Variants in IP6K2 observed in about 807,000 individuals in gnomAD.
The protein encoded by IP6K2 is ATP:1D-myo-inositol-hexakisphosphate phosphotransferase.
IP6K2 carries 9 observed loss-of-function variants against 43.3 expected under a neutral mutation model. The ratio of observed to expected loss-of-function variants is 0.21; its 90% CI spans 0.13 to 0.36. IP6K2 has a LOEUF of 0.36. Among genes scored for constraint, IP6K2 ranks in the 10% least tolerant of loss-of-function variants. The pLI, the probability that IP6K2 is intolerant of heterozygous loss-of-function variation, is 1.00. For missense variants in IP6K2, 332 were observed against 538.4 expected, an observed-to-expected ratio of 0.62 and a Z score of 3.79; for synonymous variants, 209 against 202.4, an observed-to-expected ratio of 1.03 and a Z score of -0.28.
At chr3:48,694,632 C>CTGA in intron 2 of IP6K2, 1 of 1,516,984 alleles carries the variant, frequency 6.6e-7, no homozygotes, top group Non-Finnish European at 8.8e-7. Context: ...AGGGCTTGGG[C>CTGA]TAATCAGCAC....
intron 1 of IP6K2, among the ~76,000 whole-genome samples, chr3:48,696,321 A>T (rs1238494593): frequency 6.6e-6 from 1 of 152,128 alleles, no homozygotes; most frequent in Non-Finnish European, 1.5e-5. Flanking sequence ...AGCCCCATTA[A>T]CCTTGTTAGC....
rs2077945533 is a variant in IP6K2, at chr3:48,693,089, A to G, written c.293T>C (p.Ile98Thr). Reference protein sequence around the residue: ...PLKGDHGIVDIVDNSDCEPKS... With the variant: ...PLKGDHGIVDTVDNSDCEPKS... ...TGGTTCACAGTCTGAATTATCTACA[A>G]TGTCCACAATTCCATGGTCCCCTTT... Residue 98 changes from isoleucine (I) to threonine (T), a missense_variant, in exon 3 of 6, where the codon ATT becomes ACT. Ile to Thr is a moderately conservative substitution (Grantham distance 89). Coordinates refer to ENST00000328631, the MANE Select transcript of IP6K2 (RefSeq NM_016291.4). The G allele has an allele frequency of 6.2e-7, 1 of 1,614,098 alleles. No individual in the cohort carries two copies. Among genetic ancestry groups the G allele is most frequent in the Admixed American group, 1.7e-5 (1 of 60,028 alleles).
At chr3:48,701,829 C>T (rs949949442) in intron 1 of IP6K2, among the ~76,000 whole-genome samples, 1 of 151,908 alleles carries the variant, frequency 6.6e-6, no homozygotes, top group Non-Finnish European at 1.5e-5. Context: ...GCACGGGAGG[C>T]GGAGGTTGCA....
At chr3:48,716,704 AG>A (rs1262051019) in intron 1 of IP6K2, among the ~76,000 whole-genome samples, 2 of 152,152 alleles carry the variant, frequency 1.3e-5, no homozygotes, top group Non-Finnish European at 2.9e-5. Context: ...ACAGTACCTG[AG>A]GCGCTGAGCT....
chr3:48,690,995 C>G (rs1342956770), intron 4 of IP6K2, among the ~76,000 whole-genome samples: 2 of 152,072 alleles, frequency 1.3e-5, no homozygotes, highest in East Asian at 3.9e-4. Context: ...CAGGGAGCAG[C>G]TCCTTGCCCT....
Position 48,695,094 on chromosome 3 carries a change from G to T in IP6K2, c.198C>A (p.Tyr66Ter). 6.2e-7 allele frequency: 1 copy of T among 1,613,452 alleles called. No individual in the cohort carries two copies. Among genetic ancestry groups the T allele is most frequent in the Non-Finnish European group, 8.5e-7 (1 of 1,179,344 alleles). ...CCTCCAGCAGCTGGGACTTACCTTT[G>T]TACTGGGGAGTGAATTTGCGCATCT... ...PAEMRKFTPQYKGVVSVRFEE... is the reference protein window; with the variant it reads ...PAEMRKFTPQ The change falls in exon 2 of 6, where the codon TAC becomes TAA. Residue 66 changes from tyrosine (Y) to a stop codon, truncating the protein, a stop_gained. Coordinates refer to ENST00000328631, the MANE Select transcript of IP6K2 (RefSeq NM_016291.4). LOFTEE classifies it high-confidence loss of function. This position sits in a 1 kb window ranked among gnomAD's most constrained non-coding sequence, Gnocchi z 4.6.
At chr3:48,705,675 T>TCACAAGC (rs2079644302) in intron 1 of IP6K2, among the ~76,000 whole-genome samples, 1 of 149,966 alleles carries the variant, frequency 6.7e-6, no homozygotes, top group Admixed American at 6.7e-5. Flanking sequence ...AAAAGGCTAT[T>TCACAAGC]CACAAGCCTT....
chr3:48,688,101 T>C lies in IP6K2; in HGVS notation c.*172A>G, dbSNP rs752058968. On this transcript the variant is annotated 3_prime_UTR_variant, in exon 6 of 6. Coordinates refer to ENST00000328631, the MANE Select transcript of IP6K2 (RefSeq NM_016291.4). The surrounding 1 kb of genome is among the most constrained non-coding windows in gnomAD (Gnocchi z 5.1). ...ATGTTGAAGAAATAGTTAAAATAAA[T>C]AAAGACTCCAAGCACAGCTGGGACT... 7 of 665,664 alleles carry C rather than the reference T, an allele frequency of 1.1e-5. No homozygotes were observed. Among genetic ancestry groups the C allele is most frequent in the Non-Finnish European group, 1.9e-5 (7 of 377,412 alleles). The allele number at this position is 665,664 out of a possible 1,614,324, so 41.2% of individuals were successfully genotyped here. A position where few individuals can be genotyped will look rare whatever the true frequency, so the allele number is the denominator to read the frequency against.
At chr3:48,690,804 GAA>G (rs1185091252) in intron 4 of IP6K2, among the ~76,000 whole-genome samples, 9 of 140,540 alleles carry the variant, frequency 6.4e-5, no homozygotes, top group African/African-American at 2.2e-4. Flanking sequence ...AAAAAAAAAA[GAA>G]AAAAAAGAGA....
chr3:48,694,244 GA>G (rs901489097), intron 2 of IP6K2: 1 of 1,551,260 alleles, frequency 6.4e-7, no homozygotes, highest in East Asian at 2.4e-5. Context: ...CTTTGTCCTG[GA>G]AAAAAACAAC....
intron 1 of IP6K2, among the ~76,000 whole-genome samples, chr3:48,704,910 T>C (rs1359876118): frequency 1.3e-5 from 2 of 151,302 alleles, no homozygotes; most frequent in African/African-American, 4.9e-5. Context: ...GTAGCTGAGA[T>C]TACAAGCACG....
chr3:48,692,891 T>C (rs2077924688), intron 3 of IP6K2, 63 bp downstream of exon 3: 3 of 1,270,808 alleles, frequency 2.4e-6, no homozygotes, highest in South Asian at 2.5e-5. Flanking sequence ...AACTGGGCTG[T>C]AACCAAAACC....
At chr3:48,700,791 A>G (rs1485588802) in intron 1 of IP6K2, among the ~76,000 whole-genome samples, 1 of 152,156 alleles carries the variant, frequency 6.6e-6, no homozygotes, top group Non-Finnish European at 1.5e-5. Context: ...CTGGCTTAAG[A>G]AAAGCCCCAG....
chr3:48,697,829 C>G (rs1431846494), intron 1 of IP6K2, among the ~76,000 whole-genome samples: 3 of 152,068 alleles, frequency 2.0e-5, no homozygotes, highest in Non-Finnish European at 4.4e-5. Context: ...CAGGTGCATG[C>G]CACCACGCCT....
At position 48,691,519 on chromosome 3, in the gene IP6K2, TATC is replaced by T. The variant is rs2077776483; in HGVS notation, c.429-40_429-38del. On this transcript the variant is annotated intron_variant, in intron 3 of 5. Coordinates refer to ENST00000328631, the MANE Select transcript of IP6K2 (RefSeq NM_016291.4). Reference sequence around the variant, plus strand: ...TAAGGACCAATAAATCAGTATGTCTTATCAGAATTCAGAAGGCCGGGCATGGTG... The same window carrying T: ...TAAGGACCAATAAATCAGTATGTCTTAGAATTCAGAAGGCCGGGCATGGTG... The T allele has an allele frequency of 2.6e-6, 4 of 1,524,724 alleles. No individual in the cohort carries two copies. The African/African-American group carries it at 4.1e-5, about 16-fold the overall frequency. The allele number at this position is 1,524,724 out of a possible 1,614,324, so 94.4% of individuals were successfully genotyped here. A position where few individuals can be genotyped will look rare whatever the true frequency, so the allele number is the denominator to read the frequency against.
At chr3:48,694,971 G>A (rs767991254) in intron 2 of IP6K2, 119 bp downstream of exon 2, 4 of 1,596,054 alleles carry the variant, frequency 2.5e-6, no homozygotes, top group South Asian at 2.2e-5. Context: ...AGGAGAGGGA[G>A]GGAAAGCACA....
At chr3:48,693,919 G>A in intron 2 of IP6K2, 1 of 1,309,948 alleles carries the variant, frequency 7.6e-7, no homozygotes, top group Non-Finnish European at 9.7e-7. Context: ...CCTGCCATGA[G>A]TAATTAAGAC....
rs144394910 is a variant in IP6K2, at chr3:48,717,150, G to A, written c.-131+7C>T. The A allele has an allele frequency of 0.012, 1,831 of 154,950 alleles. 19 individuals carry two copies. The highest frequency in any genetic ancestry group is 0.02 in the Non-Finnish European group (1,373 of 68,220). The allele number at this position is 154,950 out of a possible 1,614,324, so 9.6% of individuals were successfully genotyped here. A position where few individuals can be genotyped will look rare whatever the true frequency, so the allele number is the denominator to read the frequency against. ...CGGGCACTAGGGCCATAGGACGCGA[G>A]CTTTACCTGCCGCCTCAGCCGGGTT... On this transcript the variant is annotated splice_region_variant and intron_variant, in intron 1 of 5. Transcript: ENST00000328631.
chr3:48,693,924 T>A, intron 2 of IP6K2: 2 of 1,327,424 alleles, frequency 1.5e-6, no homozygotes, highest in Non-Finnish European at 1.9e-6. Context: ...CATGAGTAAT[T>A]AAGACAGTCT....
Sources: gnomAD v4.1 joint callset for allele counts (sites outside exome capture counted in the v4.1 genomes callset) on GRCh38, gnomAD v4.1.1 for gene constraint, Gnocchi (gnomAD v3.1) non-coding constraint, MANE v1.5 for transcripts, NCBI Gene and HGNC (gene_info 2026-07-23, HGNC 2026-07-21) for gene names.